The following CDC14A variants were observed in gnomAD, a reference collection of about 807,000 sequenced individuals.
CDC14A encodes dual specificity protein phosphatase CDC14A.
A neutral mutation model predicts 74.4 loss-of-function variants in CDC14A; 53 were observed. That is an observed-to-expected ratio of 0.71 (90% CI 0.57 to 0.89). The LOEUF (loss-of-function observed/expected upper bound fraction) is 0.89, where lower values mean the gene tolerates loss of function less well. Among genes scored for constraint, CDC14A ranks in the 40% least tolerant of loss-of-function variants. The pLI, the probability that CDC14A is intolerant of heterozygous loss-of-function variation, is 0.00. For missense variants in CDC14A, 646 were observed against 713.7 expected (o/e 0.91, Z 1.08); for synonymous variants, 247 against 258.4 (o/e 0.96, Z 0.43).
chr1:100,415,357 G>A (rs1332630590), intron 4 of CDC14A, among the ~76,000 whole-genome samples: 1 of 152,110 alleles, frequency 6.6e-6, no homozygotes, highest in Non-Finnish European at 1.5e-5. Flanking sequence ...GTATTTCAGA[G>A]CAAACAGCAC....
intron 3 of CDC14A, among the ~76,000 whole-genome samples, chr1:100,382,167 A>G (rs978664850): frequency 6.6e-6 from 1 of 151,458 alleles, no homozygotes; most frequent in Non-Finnish European, 1.5e-5. Flanking sequence ...CTAACAAAAG[A>G]CAAAGTTGTG....
chr1:100,447,874 C>T (rs1366772972), intron 7 of CDC14A, among the ~76,000 whole-genome samples: 6 of 152,142 alleles, frequency 3.9e-5, no homozygotes, highest in Admixed American at 3.9e-4. Flanking sequence ...GCCCAAACAC[C>T]AGTGATCATT....
At chr1:100,391,171 A>G in intron 4 of CDC14A, 1 of 289,468 alleles carries the variant, frequency 3.5e-6, no homozygotes, top group Non-Finnish European at 6.7e-6. Context: ...ATATGATATT[A>G]TGGAAGATTT....
At chr1:100,415,263 T>C (rs994719123) in intron 4 of CDC14A, among the ~76,000 whole-genome samples, 2 of 152,174 alleles carry the variant, frequency 1.3e-5, no homozygotes, top group Admixed American at 1.3e-4. Context: ...CTAAACGAAT[T>C]GTCAAATAAA....
chr1:100,425,685 G>C (rs1662871278), intron 5 of CDC14A, among the ~76,000 whole-genome samples: 1 of 152,122 alleles, frequency 6.6e-6, no homozygotes, highest in Non-Finnish European at 1.5e-5. Flanking sequence ...AATCAGCCGT[G>C]GAAGGGCAAA....
At chr1:100,516,348 AG>A (rs1650225805) in intron 15 of CDC14A, among the ~76,000 whole-genome samples, 1 of 152,134 alleles carries the variant, frequency 6.6e-6, no homozygotes, top group Admixed American at 6.5e-5. Flanking sequence ...CCTATAAAAA[AG>A]TTGGTTTAAC....
At chr1:100,354,475 ATTACT>A (rs1172047056) in intron 2 of CDC14A, among the ~76,000 whole-genome samples, 1 of 152,184 alleles carries the variant, frequency 6.6e-6, no homozygotes, top group African/African-American at 2.4e-5. Context: ...ATTTTCTTTG[ATTACT>A]TTGCTTCTGT....
intron 15 of CDC14A, among the ~76,000 whole-genome samples, chr1:100,505,921 T>A (rs1162636441): frequency 6.6e-6 from 1 of 152,078 alleles, no homozygotes; most frequent in Non-Finnish European, 1.5e-5. Flanking sequence ...AAAGGGGATC[T>A]TGTGTATCAC....
intron 10 of CDC14A, among the ~76,000 whole-genome samples, chr1:100,478,972 G>T (rs982674999): frequency 1.3e-5 from 2 of 152,116 alleles, no homozygotes; most frequent in Non-Finnish European, 1.5e-5. Flanking sequence ...GCTCCCAGGT[G>T]GTGTGCTGCT....
chr1:100,385,803 G>A (rs7515381), intron 3 of CDC14A, among the ~76,000 whole-genome samples: 6,535 of 152,204 alleles, frequency 0.043, 496 homozygotes, highest in African/African-American at 0.15. Context: ...TTTGGATAAT[G>A]GTGGAATGTC....
chr1:100,459,930 G>A (rs527331818), intron 8 of CDC14A, among the ~76,000 whole-genome samples: 5 of 152,198 alleles, frequency 3.3e-5, no homozygotes, highest in African/African-American at 1.2e-4. Context: ...AATTCTAACC[G>A]CTCATGTTCA....
At chr1:100,354,798 T>C (rs1651659757) in intron 2 of CDC14A, among the ~76,000 whole-genome samples, 1 of 152,240 alleles carries the variant, frequency 6.6e-6, no homozygotes, top group Non-Finnish European at 1.5e-5. Flanking sequence ...TAATCATAAT[T>C]AGCTTCCTTG....
At chr1:100,486,067 A>C (rs1317739804) in intron 11 of CDC14A, 1 of 152,234 alleles carries the variant, frequency 6.6e-6, no homozygotes, top group Non-Finnish European at 1.5e-5. Context: ...TTTTAACATG[A>C]TAATATAGCT....
chr1:100,384,218 A>G (rs1656537100), intron 3 of CDC14A, among the ~76,000 whole-genome samples: 1 of 152,172 alleles, frequency 6.6e-6, no homozygotes. Context: ...CAGTCATTGT[A>G]CTTTGGTTTA....
rs1292090517 is a variant in CDC14A, at chr1:100,443,008, T to TAA, written c.519+13_519+14dup. 1 of 1,526,610 alleles carries TAA rather than the reference T, an allele frequency of 6.6e-7. No homozygotes were observed. The highest frequency in any genetic ancestry group is 9.1e-7 in the Non-Finnish European group (1 of 1,103,804). The allele number at this position is 1,526,610 out of a possible 1,614,324, so 94.6% of individuals were successfully genotyped here. On this transcript the variant is annotated intron_variant, in intron 7 of 15. Transcript: ENST00000336454. ...ATGAACATTATGAGGTTTGTACATT[T>TAA]AATTTTTTTTACAAAACATAATTTC... is the stretch of plus-strand genomic sequence containing the variant.
At chr1:100,381,313 T>A (rs1656060910) in intron 3 of CDC14A, among the ~76,000 whole-genome samples, 1 of 152,250 alleles carries the variant, frequency 6.6e-6, no homozygotes, top group Non-Finnish European at 1.5e-5. Context: ...GAAACTGCTC[T>A]AATAACGTCT....
intron 15 of CDC14A, among the ~76,000 whole-genome samples, chr1:100,517,797 A>T (rs2101492380): frequency 1.3e-5 from 2 of 152,344 alleles, no homozygotes; most frequent in South Asian, 4.1e-4. Flanking sequence ...GAATTTATTT[A>T]AATGGCTGCT....
upstream of CDC14A, chr1:100,351,679 G>A (rs909338683): frequency 3.4e-6 from 5 of 1,452,472 alleles, no homozygotes; most frequent in Admixed American, 2.0e-5. Flanking sequence ...TCCGGGACCG[G>A]AGCACTGTAA....
intron 2 of CDC14A, among the ~76,000 whole-genome samples, chr1:100,366,981 C>T (rs1653719609): frequency 6.6e-6 from 1 of 152,136 alleles, no homozygotes; most frequent in African/African-American, 2.4e-5. Context: ...TTTCCCTGGC[C>T]ACATGAGACC....
Sources: gnomAD v4.1 joint callset for allele counts (sites outside exome capture counted in the v4.1 genomes callset) on GRCh38, gnomAD v4.1.1 for gene constraint, MANE v1.5 for transcripts, NCBI Gene and HGNC (gene_info 2026-07-23, HGNC 2026-07-21) for gene names.